INPP4B: variants seen among roughly 807,000 people sequenced by gnomAD.
INPP4B encodes the protein inositol polyphosphate-4-phosphatase type II B.
Under a neutral mutation model 122.5 loss-of-function variants are expected in INPP4B, and 55 were observed. The observed-to-expected ratio is 0.45, with a 90% CI of 0.36 to 0.56. The LOEUF is 0.56. Among genes scored for constraint, INPP4B ranks in the 20% least tolerant of loss-of-function variants. The probability of loss-of-function intolerance (pLI) is 0.00; values close to 1 mark genes in which losing one functional copy is unlikely to be tolerated. For synonymous variants in INPP4B, 403 were observed against 388.7 expected, an observed-to-expected ratio of 1.04 and a Z score of -0.43; for missense variants, 1,000 against 1,097.7, an observed-to-expected ratio of 0.91 and a Z score of 1.26.
At chr4:142,102,452 A>G (rs1039686645) in intron 23 of INPP4B, among the ~76,000 whole-genome samples, 39 of 142,746 alleles carry the variant, frequency 2.7e-4, no homozygotes, top group Non-Finnish European at 5.1e-4. Flanking sequence ...GGTGGATGTG[A>G]ACAAAGTCTT....
At chr4:142,559,045 G>A (rs1018061017) in intron 2 of INPP4B, among the ~76,000 whole-genome samples, 1 of 152,096 alleles carries the variant, frequency 6.6e-6, no homozygotes, top group Non-Finnish European at 1.5e-5. Flanking sequence ...AGAACTGTAG[G>A]TCAGGAATGC....
At chr4:142,440,287 T>C (rs901258840) in intron 3 of INPP4B, among the ~76,000 whole-genome samples, 3 of 152,110 alleles carry the variant, frequency 2.0e-5, no homozygotes, top group African/African-American at 4.8e-5. Flanking sequence ...AGGGATATTA[T>C]CAGAGTATAG....
chr4:142,788,143 C>A (rs1490629196), intron 1 of INPP4B, among the ~76,000 whole-genome samples: 1 of 151,938 alleles, frequency 6.6e-6, no homozygotes, highest in South Asian at 2.1e-4. Flanking sequence ...AATATTCAAG[C>A]CAATAAACAC....
chr4:142,247,493 G>C (rs1418999244), intron 11 of INPP4B, among the ~76,000 whole-genome samples: 1 of 152,022 alleles, frequency 6.6e-6, no homozygotes, highest in Non-Finnish European at 1.5e-5. Flanking sequence ...TCTATTCAGG[G>C]ACTCAATCCT....
chr4:142,392,877 G>A (rs1370417319), intron 7 of INPP4B, among the ~76,000 whole-genome samples: 1 of 152,176 alleles, frequency 6.6e-6, no homozygotes, highest in Non-Finnish European at 1.5e-5. Context: ...AATTAAGCGA[G>A]CAGACTCTTT....
intron 10 of INPP4B, among the ~76,000 whole-genome samples, chr4:142,263,680 A>G (rs9995330): frequency 0.29 from 23,649 of 81,766 alleles, 5,523 homozygotes; most frequent in African/African-American, 0.43. Context: ...ATATATATAT[A>G]ACATTGAACA....
chr4:142,293,195 C>G (rs759097383), intron 9 of INPP4B, among the ~76,000 whole-genome samples: 3 of 151,936 alleles, frequency 2.0e-5, no homozygotes, highest in Admixed American at 6.6e-5. Flanking sequence ...CCTGCCACCA[C>G]GCCCGGCTGA....
At chr4:142,766,527 C>T (rs914134557) in intron 1 of INPP4B, among the ~76,000 whole-genome samples, 1 of 151,874 alleles carries the variant, frequency 6.6e-6, no homozygotes, top group African/African-American at 2.4e-5. Flanking sequence ...TGCACCACCG[C>T]ACTCAGCTAA....
At chr4:142,080,582 C>G (rs1773390057) in intron 25 of INPP4B, among the ~76,000 whole-genome samples, 2 of 152,124 alleles carry the variant, frequency 1.3e-5, no homozygotes, top group Non-Finnish European at 2.9e-5. Context: ...TAATGTCCAT[C>G]ATAGGCAATA....
intron 9 of INPP4B, among the ~76,000 whole-genome samples, chr4:142,299,519 T>C (rs970293315): frequency 8.7e-5 from 13 of 148,796 alleles, no homozygotes; most frequent in Admixed American, 6.0e-4. Context: ...TATGAAGTTT[T>C]TAGTTTTTTT....
chr4:142,588,087 A>T (rs1736629281), intron 2 of INPP4B, among the ~76,000 whole-genome samples: 1 of 151,978 alleles, frequency 6.6e-6, no homozygotes, highest in Non-Finnish European at 1.5e-5. Flanking sequence ...TCAAATACAG[A>T]AAAAGCATTT....
intron 7 of INPP4B, among the ~76,000 whole-genome samples, chr4:142,341,679 T>C (rs2151698705): frequency 6.6e-6 from 1 of 152,334 alleles, no homozygotes; most frequent in East Asian, 1.9e-4. Flanking sequence ...GGATGTCACC[T>C]TGCGATTATA....
intron 18 of INPP4B, among the ~76,000 whole-genome samples, chr4:142,136,631 T>C (rs1579037201): frequency 6.6e-6 from 1 of 151,818 alleles, no homozygotes; most frequent in Admixed American, 6.6e-5. Context: ...CAGGGTGAGG[T>C]GGAAGGAGAT....
At chr4:142,192,815 A>G (rs1413895905) in intron 15 of INPP4B, among the ~76,000 whole-genome samples, 1 of 152,178 alleles carries the variant, frequency 6.6e-6, no homozygotes, top group African/African-American at 2.4e-5. Flanking sequence ...TTGAGCAAGC[A>G]ATAGTTGACA....
At chr4:142,337,223 G>A (rs528221376) in intron 7 of INPP4B, among the ~76,000 whole-genome samples, 26 of 151,914 alleles carry the variant, frequency 1.7e-4, no homozygotes, top group African/African-American at 6.0e-4. Context: ...TCCTCTTGAT[G>A]GTTATTTAGG....
intron 1 of INPP4B, among the ~76,000 whole-genome samples, chr4:142,742,018 A>C (rs1236629746): frequency 6.6e-6 from 1 of 152,048 alleles, no homozygotes; most frequent in Non-Finnish European, 1.5e-5. Context: ...AGAAATTTGC[A>C]CCAAGAAGCT....
At chr4:142,292,146 A>G (rs1756742877) in intron 9 of INPP4B, among the ~76,000 whole-genome samples, 2 of 152,206 alleles carry the variant, frequency 1.3e-5, no homozygotes, top group Non-Finnish European at 2.9e-5. Flanking sequence ...TTATTTTTCT[A>G]TTAAAGTATA....
At chr4:142,087,190 C>A (rs528685829) in intron 23 of INPP4B, among the ~76,000 whole-genome samples, 2 of 152,270 alleles carry the variant, frequency 1.3e-5, no homozygotes, top group South Asian at 2.1e-4. Context: ...TCAGACACTG[C>A]CAGTGTCTCC....
chr4:142,731,976 A>G (rs1242330273), intron 1 of INPP4B, among the ~76,000 whole-genome samples: 2 of 152,100 alleles, frequency 1.3e-5, no homozygotes, highest in Admixed American at 6.6e-5. Context: ...CCCACCTAGT[A>G]CCCTTTCCCA....
Sources: gnomAD v4.1 joint callset for allele counts (sites outside exome capture counted in the v4.1 genomes callset) on GRCh38, gnomAD v4.1.1 for gene constraint, MANE v1.5 for transcripts, NCBI Gene and HGNC (gene_info 2026-07-23, HGNC 2026-07-21) for gene names.